The following POM121C variants were observed in gnomAD, a reference collection of about 807,000 sequenced individuals.
POM121C encodes POM121 transmembrane nucleoporin C.
In POM121C, 20 loss-of-function variants were observed where a neutral mutation model predicts 66.4. That is an observed-to-expected ratio of 0.30 (90% confidence interval 0.21 to 0.44). The LOEUF is 0.44. Ranked by LOEUF, POM121C falls within the 20% of genes least tolerant of loss-of-function variation. The pLI is 1.00. For missense variants in POM121C, 580 were observed against 1,225.7 expected (o/e 0.47, Z 7.87); for synonymous variants, 286 against 528.0 (o/e 0.54, Z 6.28).
chr7:75,460,700 G>A (rs1791414296), intron 3 of POM121C, among the ~76,000 whole-genome samples: 2 of 152,124 alleles, frequency 1.3e-5, no homozygotes. Flanking sequence ...ATCTTCACGA[G>A]TGAGTGGCAT....
At chr7:75,477,805 G>T (rs587729095) in intron 1 of POM121C, among the ~76,000 whole-genome samples, 16 of 151,508 alleles carry the variant, frequency 1.1e-4, no homozygotes, top group African/African-American at 3.6e-4. Context: ...CATATAGACA[G>T]AGACATGAGG....
At position 75,418,567 on chromosome 7, in the gene POM121C, G is replaced by C; in HGVS notation, c.*229C>G. The stretch of plus-strand genomic sequence containing the variant: ...CAGCCTCCCCAGTGGAACTGTTCAA[G>C]TAGAGGTCCCGGGCTTTGGCCCTCC... On this transcript the variant is annotated 3_prime_UTR_variant, in exon 15 of 15. Transcript: ENST00000615331. 7.4e-7 allele frequency: 1 copy of C among 1,344,718 alleles called. No homozygotes were observed. 83.3% of individuals were successfully genotyped at this position (1,344,718 alleles called of 1,614,324 possible).
intron 3 of POM121C, among the ~76,000 whole-genome samples, chr7:75,455,741 ACTGTG>A (rs1242666277): frequency 6.6e-6 from 1 of 152,036 alleles, no homozygotes; most frequent in Non-Finnish European, 1.5e-5. Context: ...AGTTTACTGC[ACTGTG>A]CTGCGTATCT....
intron 1 of POM121C, among the ~76,000 whole-genome samples, chr7:75,475,427 T>A (rs1205620173): frequency 6.6e-6 from 1 of 152,150 alleles, no homozygotes; most frequent in African/African-American, 2.4e-5. Flanking sequence ...GTTTTGGGGA[T>A]ATGAGATGAG....
At chr7:75,424,934 T>C in intron 10 of POM121C, 140 bp downstream of exon 10, 1 of 1,477,842 alleles carries the variant, frequency 6.8e-7, no homozygotes, top group Admixed American at 2.6e-5. Flanking sequence ...AACTCCAGCC[T>C]GGGTGACAGA....
Position 75,449,791 on chromosome 7 carries a change from A to G in POM121C, c.-151-8144T>C, listed in dbSNP as rs587700922. 6.6e-5 allele frequency among the ~76,000 whole-genome samples: 10 copies of G among 152,118 alleles called. No individual in the cohort carries two copies. The East Asian group carries it at 1.7e-3, about 27-fold the overall frequency. On this transcript the variant is annotated intron_variant, in intron 3 of 14. Coordinates refer to ENST00000615331, the MANE Select transcript of POM121C (RefSeq NM_001099415.3). ...AGCACTTTGGGAGGCTGAGGCAGGC[A>G]GATCGCCTGAAGTTAGGAGTTCGAG...
Position 75,485,919 on chromosome 7 carries a change from G to A in POM121C, c.-513C>T. The A allele has an allele frequency of 2.0e-6, 1 of 498,062 alleles. No homozygotes were observed. Among genetic ancestry groups the A allele is most frequent in the Non-Finnish European group, 4.0e-6 (1 of 251,936 alleles). 30.9% of individuals were successfully genotyped at this position (498,062 alleles called of 1,614,324 possible). A position where few individuals can be genotyped will look rare whatever the true frequency, so the allele number is the denominator to read the frequency against. ...GGCTCCCGAGAGGCCGGGGCGGGCT[G>A]CTGTCGCTGGCGCGCGCGTCTGCTC... On this transcript the variant is annotated 5_prime_UTR_variant, in exon 1 of 15. Coordinates refer to ENST00000615331, the MANE Select transcript of POM121C (RefSeq NM_001099415.3).
chr7:75,465,280 C>A (rs112920189), intron 3 of POM121C, among the ~76,000 whole-genome samples: 58,144 of 151,314 alleles, frequency 0.38, 13,956 homozygotes, highest in East Asian at 0.94. Context: ...TAAGCGTGAG[C>A]CACCGTGCCC....
intron 3 of POM121C, among the ~76,000 whole-genome samples, chr7:75,471,873 T>C (rs1791892511): frequency 6.6e-6 from 1 of 152,150 alleles, no homozygotes; most frequent in Non-Finnish European, 1.5e-5. Flanking sequence ...ATGGTTAAGA[T>C]GGTAAATTGT....
chr7:75,434,700 A>G (rs1248554436), intron 7 of POM121C, among the ~76,000 whole-genome samples: 3 of 150,514 alleles, frequency 2.0e-5, no homozygotes, highest in Non-Finnish European at 2.9e-5. Context: ...CTCCTGCCTC[A>G]GCGTCCCGAG....
In POM121C at chr7:75,431,074, C is replaced by CCAAAAAAAAAAA. The variant is rs1554472281; in HGVS notation, c.481-4622_481-4621insTTTTTTTTTTTG. Among the ~76,000 whole-genome samples the CCAAAAAAAAAAA allele has an allele frequency of 3.3e-5, 2 of 59,716 alleles. 1 individual carries two copies. The highest frequency in any genetic ancestry group is 1.3e-4 in the African/African-American group (2 of 15,254). The allele number at this position is 59,716 out of a possible 152,430, so 39.2% of individuals were successfully genotyped here. The stretch of plus-strand genomic sequence containing the variant: ...CTGGTGACAGAGCGAGACTCTGTCT[C>CCAAAAAAAAAAA]AAAAAAAAAAAAAAAAAAAAAAAAA... On this transcript the variant is annotated intron_variant, in intron 7 of 14. Coordinates refer to ENST00000615331, the MANE Select transcript of POM121C (RefSeq NM_001099415.3).
intron 3 of POM121C, among the ~76,000 whole-genome samples, chr7:75,472,406 G>A (rs1416960994): frequency 6.6e-6 from 1 of 151,690 alleles, no homozygotes; most frequent in East Asian, 2.0e-4. Context: ...TCAGCTACTC[G>A]GGAGGCTGAG....
At chr7:75,437,475 G>C in intron 7 of POM121C, 40 bp downstream of exon 7, 8 of 1,580,372 alleles carry the variant, frequency 5.1e-6, no homozygotes, top group Non-Finnish European at 6.9e-6. Flanking sequence ...ATGAACGCTG[G>C]GAATTCATGC....
At chr7:75,469,825 C>T (rs587608994) in intron 3 of POM121C, among the ~76,000 whole-genome samples, 82 of 152,326 alleles carry the variant, frequency 5.4e-4, no homozygotes, top group African/African-American at 1.7e-3. Context: ...ATGGCTGTCT[C>T]TCCACCTCCT....
intron 7 of POM121C, among the ~76,000 whole-genome samples, chr7:75,431,793 G>A (rs1214072568): frequency 6.6e-6 from 1 of 151,460 alleles, no homozygotes; most frequent in Admixed American, 6.6e-5. Context: ...TCTATTAAAA[G>A]TTTTAAAATG....
At chr7:75,431,479 T>C (rs1554472335) in intron 7 of POM121C, among the ~76,000 whole-genome samples, 1 of 150,432 alleles carries the variant, frequency 6.6e-6, no homozygotes, top group African/African-American at 2.4e-5. Flanking sequence ...GGTGCATGCG[T>C]GTGGTCCCAG....
At position 75,442,791 on chromosome 7, in the gene POM121C, C is replaced by A. The variant is rs199805238; in HGVS notation, c.-151-1144G>T. The A allele has an allele frequency of 1.2e-5, 15 of 1,271,818 alleles. No individual in the cohort carries two copies. The African/African-American group carries it at 1.3e-4, about 11-fold the overall frequency. 78.8% of individuals were successfully genotyped at this position (1,271,818 alleles called of 1,614,324 possible). On this transcript the variant is annotated intron_variant, in intron 3 of 14. Transcript: ENST00000615331. ...GCGCCACGCGTCGCGTCATCGCGCG[C>A]CCGCCACGTCATGCGCGCGCGACTC...
At chr7:75,448,869 T>C (rs1379053023) in intron 3 of POM121C, among the ~76,000 whole-genome samples, 3 of 147,812 alleles carry the variant, frequency 2.0e-5, no homozygotes, top group African/African-American at 7.4e-5. Context: ...AACAACCAAA[T>C]GAATGCTGAA....
intron 1 of POM121C, among the ~76,000 whole-genome samples, chr7:75,479,271 G>C (rs1298038981): frequency 6.6e-6 from 1 of 152,180 alleles, no homozygotes; most frequent in Non-Finnish European, 1.5e-5. Flanking sequence ...AAGGAATGAA[G>C]AGTACCAGAA....
Sources: allele counts gnomAD v4.1 joint callset (sites outside exome capture counted in the v4.1 genomes callset), GRCh38; gene constraint gnomAD v4.1.1; transcripts MANE v1.5; gene names NCBI Gene and HGNC (gene_info 2026-07-23, HGNC 2026-07-21).